Variants in STOX1 observed in about 807,000 individuals in gnomAD.
STOX1 encodes storkhead-box protein 1.
Under a neutral mutation model 74.8 loss-of-function variants are expected in STOX1, and 57 were observed. The observed-to-expected ratio is 0.76, with a 90% CI of 0.62 to 0.95. STOX1 has a LOEUF of 0.95. STOX1 is among the 40% of genes least tolerant of loss of function. STOX1 has a pLI of 0.00. For missense variants in STOX1, 1,010 were observed against 1,117.0 expected, an observed-to-expected ratio of 0.90 and a Z score of 1.37; for synonymous variants, 375 against 401.3, an observed-to-expected ratio of 0.93 and a Z score of 0.78.
rs1357754606 is a variant in STOX1 at position 68,885,834 on chromosome 10, C to G, written c.2038C>G (p.Pro680Ala). ...GLLDYPVGVN[P>A]LRQAARQDKD... ...TTTGGATTACCCAGTTGGCGTGAACCCTTTAAGACAAGCTGCAAGACAAGA... is the reference window on the plus strand; with the variant it reads ...TTTGGATTACCCAGTTGGCGTGAACGCTTTAAGACAAGCTGCAAGACAAGA... The change falls in exon 3 of 4, where the codon CCT (proline) becomes GCT (alanine). Residue 680 changes from proline (P) to alanine (A), a missense_variant. Physicochemically the swap from Pro to Ala is conservative, Grantham distance 27. Coordinates refer to ENST00000298596, the MANE Select transcript of STOX1 (RefSeq NM_152709.5). 1 of 1,613,854 alleles carries G rather than the reference C, an allele frequency of 6.2e-7. No individual in the cohort carries two copies. Among genetic ancestry groups the G allele is most frequent in the Non-Finnish European group, 8.5e-7 (1 of 1,180,026 alleles).
At position 68,885,646 on chromosome 10, in the gene STOX1, T is replaced by C; in HGVS notation, c.1850T>C (p.Ile617Thr). ...GTGTATGGTGGAGAAAATGAGGTAA[T>C]TCCTGAAGTCTTGAGGAAAAGTCAT... Reference protein sequence around the residue: ...YEVYGGENEVIPEVLRKSHSH... With the variant: ...YEVYGGENEVTPEVLRKSHSH... The change falls in exon 3 of 4, where the codon ATT (isoleucine) becomes ACT (threonine). Residue 617 changes from isoleucine (I) to threonine (T), a missense_variant. Ile to Thr is a moderately conservative substitution (Grantham distance 89, BLOSUM62 -1). Transcript: ENST00000298596. The C allele has an allele frequency of 6.2e-7, 1 of 1,614,168 alleles. No homozygotes were observed. Among genetic ancestry groups the C allele is most frequent in the Non-Finnish European group, 8.5e-7 (1 of 1,180,038 alleles).
At chr10:68,888,845 G>A (rs1841032161) in intron 3 of STOX1, among the ~76,000 whole-genome samples, 1 of 108,736 alleles carries the variant, frequency 9.2e-6, no homozygotes. Context: ...GGAGAGATGG[G>A]GTTTCACCAT....
rs1298390555 is a variant in STOX1, at chr10:68,886,520, T to C, written c.2724T>C (p.His908=). The C allele has an allele frequency of 1.9e-6, 3 of 1,614,110 alleles. No homozygotes were observed. Among genetic ancestry groups the C allele is most frequent in the African/African-American group, 1.3e-5 (1 of 75,040 alleles). ...AGTTCCAACTTTTCAACACTTCACA[T>C]ATGCCAGTGTTGGCTCAGGATGTCC... ...PQKFQLFNTS[H]MPVLAQDVQY... is the part of the protein sequence containing the mutation. Residue 908 remains histidine, a synonymous_variant, in exon 3 of 4, where the codon CAT becomes CAC. Coordinates refer to ENST00000298596, the MANE Select transcript of STOX1 (RefSeq NM_152709.5).
intron 1 of STOX1, among the ~76,000 whole-genome samples, chr10:68,856,760 A>G (rs1339590414): frequency 6.6e-6 from 1 of 152,108 alleles, no homozygotes; most frequent in Non-Finnish European, 1.5e-5. Flanking sequence ...TCTCACTGCA[A>G]GGAGACAGCG....
At chr10:68,842,575 C>T (rs1448254129) in intron 1 of STOX1, among the ~76,000 whole-genome samples, 1 of 111,678 alleles carries the variant, frequency 9.0e-6, no homozygotes, top group African/African-American at 3.5e-5. Context: ...GAGTCTTGCT[C>T]TGTCACCCAG....
At chr10:68,842,235 G>T (rs1043363963) in intron 1 of STOX1, among the ~76,000 whole-genome samples, 1 of 152,106 alleles carries the variant, frequency 6.6e-6, no homozygotes, top group Non-Finnish European at 1.5e-5. Context: ...GCAGAGTTTG[G>T]ACATCCCATA....
rs113607701 is a variant in STOX1 at position 68,884,453 on chromosome 10, A to G, written c.657A>G (p.Thr219=). The G allele has an allele frequency of 1.7e-5, 27 of 1,613,896 alleles. 1 individual carries two copies. The highest frequency in any genetic ancestry group is 1.5e-4 in the African/African-American group (11 of 75,034). Residue 219 remains threonine (T), a synonymous_variant, in exon 3 of 4, where the codon ACA becomes ACG. Transcript: ENST00000298596. ...GTCGCCTGATGCCAGCTTCCATGACATATCTGGTGAGCATGGAGAGCTGTG... is the reference window on the plus strand; with the variant it reads ...GTCGCCTGATGCCAGCTTCCATGACGTATCTGGTGAGCATGGAGAGCTGTG... ...DESRLMPASM[T]YLVSMESCAE...
intron 1 of STOX1, among the ~76,000 whole-genome samples, chr10:68,835,231 G>A (rs1269660219): frequency 6.6e-6 from 1 of 150,866 alleles, no homozygotes; most frequent in Non-Finnish European, 1.5e-5. Context: ...TAATAGAGAC[G>A]GGGTTTCACC....
At chr10:68,832,038 T>C (rs1453683751) in intron 1 of STOX1, among the ~76,000 whole-genome samples, 4 of 151,984 alleles carry the variant, frequency 2.6e-5, no homozygotes, top group African/African-American at 4.8e-5. Context: ...GTGCTGTGAT[T>C]ACCAGTGTGA....
chr10:68,836,905 C>T (rs117787489), intron 1 of STOX1, among the ~76,000 whole-genome samples: 2,644 of 152,338 alleles, frequency 0.017, 29 homozygotes, highest in Non-Finnish European at 0.03. Flanking sequence ...AGTATACCTT[C>T]CTCTTAGTAC....
intron 1 of STOX1, among the ~76,000 whole-genome samples, chr10:68,873,953 T>TG (rs1418455746): frequency 6.6e-6 from 1 of 151,030 alleles, no homozygotes; most frequent in Non-Finnish European, 1.5e-5. Context: ...CCAGCGTTTT[T>TG]GTTTGTTTTT....
At chr10:68,873,689 C>T (rs1382211637) in intron 1 of STOX1, among the ~76,000 whole-genome samples, 1 of 128,712 alleles carries the variant, frequency 7.8e-6, no homozygotes, top group East Asian at 2.2e-4. Context: ...CGGAGTCTCG[C>T]TTTGTCGCCC....
intron 1 of STOX1, among the ~76,000 whole-genome samples, chr10:68,851,869 C>T (rs143103767): frequency 0.05 from 7,642 of 152,198 alleles, 238 homozygotes; most frequent in Middle Eastern, 0.13. Flanking sequence ...CGTGTTGGCT[C>T]ACGCCTGTAA....
chr10:68,882,430 G>T (rs1840832298), intron 2 of STOX1, among the ~76,000 whole-genome samples: 1 of 151,756 alleles, frequency 6.6e-6, no homozygotes, highest in Non-Finnish European at 1.5e-5. Flanking sequence ...TCACTTCCCA[G>T]AGGTAATAAC....
At chr10:68,841,593 AT>A (rs1387123384) in intron 1 of STOX1, among the ~76,000 whole-genome samples, 1 of 152,212 alleles carries the variant, frequency 6.6e-6, no homozygotes, top group Non-Finnish European at 1.5e-5. Flanking sequence ...AGTTAATAGC[AT>A]TGTTCTAGGG....
intron 1 of STOX1, among the ~76,000 whole-genome samples, chr10:68,851,713 C>T (rs1839987306): frequency 6.6e-6 from 1 of 151,876 alleles, no homozygotes; most frequent in African/African-American, 2.4e-5. Flanking sequence ...TGGTGGTGTG[C>T]ACCTGTAATC....
At chr10:68,842,508 G>T in intron 1 of STOX1, among the ~76,000 whole-genome samples, 1 of 150,910 alleles carries the variant, frequency 6.6e-6, no homozygotes, top group African/African-American at 2.4e-5. Context: ...GTTGATGCGA[G>T]GTGCCTCTCC....
At chr10:68,831,874 G>A (rs1839420791) in intron 1 of STOX1, among the ~76,000 whole-genome samples, 1 of 151,918 alleles carries the variant, frequency 6.6e-6, no homozygotes. Context: ...GATTAACAAG[G>A]GGCTAACTCT....
Position 68,886,230 on chromosome 10 carries a change from A to T in STOX1, c.2434A>T (p.Ser812Cys). The T allele has an allele frequency of 2.5e-6, 4 of 1,614,238 alleles. No individual in the cohort carries two copies. Among genetic ancestry groups the T allele is most frequent in the Non-Finnish European group, 2.5e-6 (3 of 1,180,048 alleles). ...TGGGCTGCATGCTACCCCAGGTGAA[A>T]GCCAAGAACCTAACCTCTCTGCTGA... ...PTGLHATPGESQEPNLSAESC... is the reference protein window; with the variant it reads ...PTGLHATPGECQEPNLSAESC... The change falls in exon 3 of 4, where the codon AGC (serine) becomes TGC (cysteine). Residue 812 changes from serine (S) to cysteine (C), a missense_variant. By Grantham distance (112) the Ser-to-Cys change is moderately radical. Transcript: ENST00000298596.
Sources: gnomAD v4.1 joint callset for allele counts (sites outside exome capture counted in the v4.1 genomes callset) on GRCh38, gnomAD v4.1.1 for gene constraint, MANE v1.5 for transcripts, NCBI Gene and HGNC (gene_info 2026-07-23, HGNC 2026-07-21) for gene names.